The following EDEM1 variants were observed in gnomAD, a reference collection of about 807,000 sequenced individuals.
The protein encoded by EDEM1 is ER degradation-enhancing alpha-mannosidase-like protein 1.
A neutral mutation model predicts 74.4 loss-of-function variants in EDEM1; 67 were observed. The ratio of observed to expected loss-of-function variants is 0.90; its 90% CI spans 0.74 to 1.10. The LOEUF (loss-of-function observed/expected upper bound fraction) is 1.10, where lower values mean the gene tolerates loss of function less well. Among genes scored for constraint, EDEM1 ranks in the 50% least tolerant of loss-of-function variants. EDEM1 has a pLI of 0.00. For synonymous variants in EDEM1, 382 were observed against 335.9 expected (o/e 1.14, Z -1.50); for missense variants, 926 against 851.6 (o/e 1.09, Z -1.09).
intron 1 of EDEM1, 26 bp downstream of exon 1, chr3:5,188,340 C>T (rs749137128): frequency 4.9e-5 from 68 of 1,388,230 alleles, no homozygotes; most frequent in Admixed American, 1.1e-4. Flanking sequence ...CGCCCGGGGC[C>T]GCGCGCCCAC....
chr3:5,210,106 A>C, intron 8 of EDEM1, 69 bp from the exon 9 acceptor site: 1 of 1,383,320 alleles, frequency 7.2e-7, no homozygotes. Flanking sequence ...CCCCGCAGTC[A>C]CCATGATGTT....
intron 8 of EDEM1, among the ~76,000 whole-genome samples, 186 bp downstream of exon 8, chr3:5,208,449 G>C (rs1192444535): frequency 6.6e-6 from 1 of 152,114 alleles, no homozygotes; most frequent in Non-Finnish European, 1.5e-5. Flanking sequence ...GACAGAGAAG[G>C]CATCTGCAGT....
chr3:5,208,770 T>TACACAC (rs536161440), intron 8 of EDEM1, among the ~76,000 whole-genome samples: 4 of 148,418 alleles, frequency 2.7e-5, no homozygotes, highest in Admixed American at 2.7e-4. Context: ...TATATATATA[T>TACACAC]ACACACACAC....
chr3:5,215,097 A>T (rs341986), intron 11 of EDEM1, among the ~76,000 whole-genome samples: 136,861 of 152,166 alleles, frequency 0.9, 61,970 homozygotes, highest in Admixed American at 0.94. Context: ...GTCGGGACCA[A>T]TGGAAGGACC....
chr3:5,187,891 C>G lies in EDEM1; in HGVS notation c.86C>G (p.Pro29Arg), dbSNP rs759869984. The G allele has an allele frequency of 6.3e-7, 1 of 1,598,084 alleles. No homozygotes were observed. The highest frequency in any genetic ancestry group is 1.4e-5 in the African/African-American group (1 of 73,570). ...GVLWLVFGLG[P>R]SMGFYQRFPL... The stretch of plus-strand genomic sequence containing the variant: ...TTGTGGCTCGTCTTCGGGCTGGGGC[C>G]CAGCATGGGCTTCTACCAGCGCTTT... The change falls in exon 1 of 12, where the codon CCC (proline) becomes CGC (arginine). Residue 29 changes from proline to arginine, a missense_variant. Physicochemically the swap from Pro to Arg is moderately radical, Grantham distance 103 (BLOSUM62 -2). Transcript: ENST00000256497.
chr3:5,196,930 C>CTTT (rs1488633815), intron 2 of EDEM1, among the ~76,000 whole-genome samples: 1 of 148,670 alleles, frequency 6.7e-6, no homozygotes, highest in African/African-American at 2.5e-5. Flanking sequence ...CTTTTCTTTT[C>CTTT]TTTTCTTTTT....
At chr3:5,195,372 C>G in intron 2 of EDEM1, 91 bp downstream of exon 2, 1 of 638,474 alleles carries the variant, frequency 1.6e-6, no homozygotes, top group Non-Finnish European at 2.4e-6. Context: ...TTCCAGGGAG[C>G]CTGATAAGTC....
chr3:5,211,366 A>G (rs981246500), intron 10 of EDEM1, 150 bp downstream of exon 10: 2 of 697,366 alleles, frequency 2.9e-6, no homozygotes, highest in Non-Finnish European at 4.9e-6. Context: ...GAACCAAAGG[A>G]TATTACTATC....
At position 5,188,245 on chromosome 3, in the gene EDEM1, C is replaced by A; in HGVS notation, c.440C>A (p.Ala147Asp). The change falls in exon 1 of 12, where the codon GCT becomes GAT. Residue 147 changes from alanine to aspartate, a missense_variant. Ala to Asp is a moderately radical substitution (Grantham distance 126). Coordinates refer to ENST00000256497, the MANE Select transcript of EDEM1 (RefSeq NM_014674.3). ...MFVFGYDNYM[A>D]HAFPQDELNP... ...GTCTTTGGCTACGACAACTACATGG[C>A]TCACGCCTTCCCCCAGGACGAGCTC... The A allele has an allele frequency of 6.3e-7, 1 of 1,580,776 alleles. No individual in the cohort carries two copies. The highest frequency in any genetic ancestry group is 8.6e-7 in the Non-Finnish European group (1 of 1,165,840).
rs1384855633 is a variant in EDEM1, at chr3:5,218,060, G to C, written c.*2142G>C. The stretch of plus-strand genomic sequence containing the variant: ...AGCCTGGGTGTTCCTTCCTCCTCAT[G>C]CTCCTGGAATAGGGAATAGGGATCT... On this transcript the variant is annotated 3_prime_UTR_variant, in exon 12 of 12. Transcript: ENST00000256497. 6.6e-6 allele frequency: 1 copy of C among 152,252 alleles called. No homozygotes were observed. Among genetic ancestry groups the C allele is most frequent in the Non-Finnish European group, 1.5e-5 (1 of 68,082 alleles). The allele number at this position is 152,252 out of a possible 1,614,324, so 9.4% of individuals were successfully genotyped here.
At chr3:5,208,413 G>A (rs928735277) in intron 8 of EDEM1, 150 bp downstream of exon 8, 1 of 938,036 alleles carries the variant, frequency 1.1e-6, no homozygotes, top group East Asian at 2.7e-5. Context: ...TCTTGTTAGT[G>A]TTCAGTGTCA....
chr3:5,201,951 G>A (rs1559296594), intron 4 of EDEM1, 27 bp downstream of exon 4: 1 of 1,582,834 alleles, frequency 6.3e-7, no homozygotes, highest in Admixed American at 1.9e-5. Flanking sequence ...GACCCTTTGT[G>A]TTTGACAATT....
At chr3:5,215,304 GT>G (rs1005284168) in intron 11 of EDEM1, among the ~76,000 whole-genome samples, 4 of 150,524 alleles carry the variant, frequency 2.7e-5, no homozygotes, top group African/African-American at 9.9e-5. Context: ...GGGTGGGGGG[GT>G]TTTAATTAAA....
At chr3:5,190,563 G>C (rs1006059820) in intron 1 of EDEM1, among the ~76,000 whole-genome samples, 1 of 152,234 alleles carries the variant, frequency 6.6e-6, no homozygotes, top group African/African-American at 2.4e-5. Flanking sequence ...CAGGATGAAG[G>C]CTGCCGATGA....
At chr3:5,195,510 T>A (rs2054954870) in intron 2 of EDEM1, among the ~76,000 whole-genome samples, 1 of 152,230 alleles carries the variant, frequency 6.6e-6, no homozygotes, top group Non-Finnish European at 1.5e-5. Flanking sequence ...GAATGTACGA[T>A]TGATTTTAGG....
rs754290887 is a variant in EDEM1 at position 5,205,075 on chromosome 3, G to A, written c.1051G>A (p.Val351Met). ...CTTGTTTATTTTTGCAGGCAATGTC[G>A]TGAACATTCAGACGGGCCACTGGGT... is the stretch of plus-strand genomic sequence containing the variant. ...SNDTGLLGNVVNIQTGHWVGK... is the reference protein window; with the variant it reads ...SNDTGLLGNVMNIQTGHWVGK... The change falls in exon 6 of 12, where the codon GTG (valine) becomes ATG (methionine). Residue 351 changes from valine to methionine, a missense_variant. Coordinates refer to ENST00000256497, the MANE Select transcript of EDEM1 (RefSeq NM_014674.3). 3.1e-6 allele frequency: 5 copies of A among 1,613,900 alleles called. No individual in the cohort carries two copies. Among genetic ancestry groups the A allele is most frequent in the Middle Eastern group, 1.7e-4 (1 of 6,052 alleles).
chr3:5,210,907 A>G (rs2055159656), intron 9 of EDEM1, among the ~76,000 whole-genome samples: 1 of 152,072 alleles, frequency 6.6e-6, no homozygotes, highest in African/African-American at 2.4e-5. Context: ...ACACCCTCTA[A>G]CTCACCTGAT....
chr3:5,204,877 T>G (rs1426735822), intron 5 of EDEM1, among the ~76,000 whole-genome samples, 190 bp from the exon 6 acceptor site: 1 of 152,164 alleles, frequency 6.6e-6, no homozygotes, highest in Non-Finnish European at 1.5e-5. Flanking sequence ...TGCTATATAT[T>G]TAGAAGATGT....
chr3:5,200,327 C>G (rs910021483), intron 3 of EDEM1, among the ~76,000 whole-genome samples: 1 of 152,180 alleles, frequency 6.6e-6, no homozygotes, highest in Admixed American at 6.5e-5. Context: ...CTTCTTTCAC[C>G]GTGTCCTAGG....
Sources: allele counts gnomAD v4.1 joint callset (sites outside exome capture counted in the v4.1 genomes callset), GRCh38; gene constraint gnomAD v4.1.1; transcripts MANE v1.5; gene names NCBI Gene and HGNC (gene_info 2026-07-23, HGNC 2026-07-21).